The following KCNT2 variants were observed in gnomAD, a reference collection of about 807,000 sequenced individuals.
KCNT2 encodes the protein potassium sodium-activated channel subfamily T member 2.
Under a neutral mutation model 153.8 loss-of-function variants are expected in KCNT2, and 67 were observed. That is an observed-to-expected ratio of 0.44 (90% CI 0.36 to 0.53). The LOEUF is 0.53. KCNT2 is among the 20% of genes least tolerant of loss of function. The pLI is 0.00. For missense variants in KCNT2, 975 were observed against 1,354.8 expected, an observed-to-expected ratio of 0.72 and a Z score of 4.40; for synonymous variants, 500 against 458.8, an observed-to-expected ratio of 1.09 and a Z score of -1.15.
In KCNT2 at chr1:196,333,853, T is replaced by A. The variant is rs1227135762; in HGVS notation, c.1991A>T (p.Asn664Ile). ...TTAGAGTATCTGAACATACTCTAAGTTTGAAGACATTTCTTCATCTGGTGT... is the reference window on the plus strand; with the variant it reads ...TTAGAGTATCTGAACATACTCTAAGATTGAAGACATTTCTTCATCTGGTGT... ...ETTPDEEMSS[N>I]LEYAKGYPPY... is the part of the protein sequence containing the mutation. Residue 664 changes from asparagine to isoleucine, a missense_variant, in exon 17 of 28, where the codon AAC becomes ATC. Physicochemically the swap from Asn to Ile is moderately radical, Grantham distance 149. This residue lies in a region of KCNT2 where 325 missense variants were observed against 388.1 expected (regional missense o/e 0.84). Coordinates refer to ENST00000294725, the MANE Select transcript of KCNT2 (RefSeq NM_198503.5). The A allele has an allele frequency of 6.3e-7, 1 of 1,594,900 alleles. No individual in the cohort carries two copies. Among genetic ancestry groups the A allele is most frequent in the Non-Finnish European group, 8.6e-7 (1 of 1,163,468 alleles).
chr1:196,497,400 T>G (rs1680340687), intron 1 of KCNT2, among the ~76,000 whole-genome samples: 1 of 152,182 alleles, frequency 6.6e-6, no homozygotes, highest in Non-Finnish European at 1.5e-5. Context: ...CTTGTCATTA[T>G]TCTTTAGGCA....
intron 13 of KCNT2, among the ~76,000 whole-genome samples, chr1:196,395,224 T>C (rs546295421): frequency 8.6e-5 from 13 of 151,660 alleles, no homozygotes; most frequent in Admixed American, 2.0e-4. Flanking sequence ...TAAATGTTAT[T>C]TCCAAAACTA....
intron 8 of KCNT2, among the ~76,000 whole-genome samples, chr1:196,438,440 C>A (rs1674922755): frequency 6.6e-6 from 1 of 151,588 alleles, no homozygotes; most frequent in Non-Finnish European, 1.5e-5. Context: ...TGCTGCAAGT[C>A]CCAAGGGTTA....
intron 22 of KCNT2, among the ~76,000 whole-genome samples, chr1:196,293,721 A>G (rs2147929350): frequency 6.6e-6 from 1 of 152,264 alleles, no homozygotes; most frequent in Admixed American, 6.5e-5. Flanking sequence ...TTGTCAAACT[A>G]TTAGAAGAAA....
At chr1:196,257,285 AAACAGAGGC>A in intron 26 of KCNT2, 2 of 984,234 alleles carry the variant, frequency 2.0e-6, no homozygotes, top group Non-Finnish European at 2.4e-6. Context: ...TTATTCAAAG[AAACAGAGGC>A]AACTTCTCTT....
At chr1:196,390,509 C>T (rs942588) in intron 13 of KCNT2, among the ~76,000 whole-genome samples, 5,839 of 151,492 alleles carry the variant, frequency 0.039, 125 homozygotes, top group South Asian at 0.055. Context: ...CTCCCCATTT[C>T]CATTATGATA....
intron 13 of KCNT2, among the ~76,000 whole-genome samples, chr1:196,390,351 C>G (rs1670366877): frequency 6.6e-6 from 1 of 151,414 alleles, no homozygotes. Flanking sequence ...GTTCAGTACT[C>G]TAACAGAATT....
In KCNT2 at chr1:196,333,572, A is replaced by AT. The variant is rs576866455; in HGVS notation, c.1997+274dup. Among the ~76,000 whole-genome samples, 805 of 151,690 alleles carry AT rather than the reference A, an allele frequency of 5.3e-3. 9 individuals carry two copies. The highest frequency in any genetic ancestry group is 0.014 in the Middle Eastern group (4 of 290). On this transcript the variant is annotated intron_variant, in intron 17 of 27. Transcript: ENST00000294725. ...TGAAGCTTATATCTTGGGAACACTG[A>AT]TTTTTTTTTCCTTGAGGATAAAAGA... is the stretch of plus-strand genomic sequence containing the variant.
At chr1:196,520,924 C>A (rs992552310) in intron 1 of KCNT2, among the ~76,000 whole-genome samples, 1 of 152,110 alleles carries the variant, frequency 6.6e-6, no homozygotes, top group East Asian at 1.9e-4. Context: ...AAAGCAATCA[C>A]AACAAAAGCA....
rs115218038 is a variant in KCNT2, at chr1:196,560,910, G to A, written c.95+47305C>T. Among the ~76,000 whole-genome samples the A allele has an allele frequency of 4.5e-3, 678 of 151,962 alleles. 3 individuals carry two copies. Among genetic ancestry groups the A allele is most frequent in the Non-Finnish European group, 7.9e-3 (536 of 67,942 alleles). The stretch of plus-strand genomic sequence containing the variant: ...TACCTTAATAGATTGCCTGTGATGT[G>A]TATCACATTCCAGTTTAATACTTAT... On this transcript the variant is annotated intron_variant, in intron 1 of 27. Coordinates refer to ENST00000294725, the MANE Select transcript of KCNT2 (RefSeq NM_198503.5).
chr1:196,407,990 C>G (rs891607584), intron 12 of KCNT2, among the ~76,000 whole-genome samples: 1 of 151,222 alleles, frequency 6.6e-6, no homozygotes, highest in Non-Finnish European at 1.5e-5. Flanking sequence ...TTACTTAGAA[C>G]GTTTATTTTA....
chr1:196,413,459 T>C (rs1328502634), intron 12 of KCNT2, among the ~76,000 whole-genome samples: 1 of 151,706 alleles, frequency 6.6e-6, no homozygotes, highest in Non-Finnish European at 1.5e-5. Flanking sequence ...AAAATATGTA[T>C]ACCAATAGTA....
chr1:196,393,842 T>A (rs575849537), intron 13 of KCNT2, among the ~76,000 whole-genome samples: 31 of 151,538 alleles, frequency 2.0e-4, no homozygotes, highest in African/African-American at 7.5e-4. Context: ...CTAGAGAAGC[T>A]TTACTAGAAT....
chr1:196,294,221 G>T (rs901423926), intron 22 of KCNT2, among the ~76,000 whole-genome samples: 12 of 152,136 alleles, frequency 7.9e-5, no homozygotes, highest in African/African-American at 2.9e-4. Context: ...GAGGAGTGGA[G>T]CAAAGAGAAC....
intron 1 of KCNT2, among the ~76,000 whole-genome samples, chr1:196,569,779 T>G (rs974223126): frequency 4.6e-5 from 7 of 152,122 alleles, no homozygotes; most frequent in Non-Finnish European, 1.0e-4. Flanking sequence ...TCCCTATTCA[T>G]ACCTAAGCAA....
chr1:196,544,832 A>T (rs928033310), intron 1 of KCNT2, among the ~76,000 whole-genome samples: 1 of 152,116 alleles, frequency 6.6e-6, no homozygotes, highest in African/African-American at 2.4e-5. Context: ...GTTATACATG[A>T]TCACATTTGT....
chr1:196,557,480 CTTAA>C (rs775769159), intron 1 of KCNT2, among the ~76,000 whole-genome samples: 4 of 150,840 alleles, frequency 2.7e-5, no homozygotes, highest in Non-Finnish European at 5.9e-5. Flanking sequence ...GTAGCTTAGT[CTTAA>C]TTAATAGTCA....
At chr1:196,234,004 T>C (rs1032039284) in intron 27 of KCNT2, among the ~76,000 whole-genome samples, 1 of 151,374 alleles carries the variant, frequency 6.6e-6, no homozygotes, top group Non-Finnish European at 1.5e-5. Context: ...GTAGGGCAAC[T>C]ATGCTTAACA....
intron 1 of KCNT2, among the ~76,000 whole-genome samples, chr1:196,541,399 TA>T (rs67842604): frequency 0.03 from 4,501 of 150,340 alleles, 229 homozygotes; most frequent in African/African-American, 0.1. Context: ...TAAACTAAGA[TA>T]TTTTTTTTCT....
Sources: allele counts gnomAD v4.1 joint callset (sites outside exome capture counted in the v4.1 genomes callset), GRCh38; gene constraint gnomAD v4.1.1; regional missense constraint gnomAD v4.1.1; transcripts MANE v1.5; gene names NCBI Gene and HGNC (gene_info 2026-07-23, HGNC 2026-07-21).